The following ZBTB4 variants were observed in gnomAD, a reference collection of about 807,000 sequenced individuals.
The protein encoded by ZBTB4 is zinc finger and BTB domain-containing protein 4.
ZBTB4 carries 14 observed loss-of-function variants against 59.8 expected under a neutral mutation model. The observed-to-expected ratio is 0.23, with a 90% confidence interval of 0.15 to 0.37. The LOEUF (loss-of-function observed/expected upper bound fraction) is 0.37, where lower values mean the gene tolerates loss of function less well. ZBTB4 is among the 10% of genes least tolerant of loss of function. ZBTB4 has a pLI of 1.00. For synonymous variants in ZBTB4, 587 were observed against 575.2 expected, an observed-to-expected ratio of 1.02 and a Z score of -0.29; for missense variants, 1,198 against 1,380.8, an observed-to-expected ratio of 0.87 and a Z score of 2.10.
intron 1 of ZBTB4, among the ~76,000 whole-genome samples, chr17:7,470,125 C>T (rs1252320738): frequency 1.3e-5 from 2 of 152,078 alleles, no homozygotes; most frequent in East Asian, 1.9e-4. Context: ...GGGCTGGGTG[C>T]AGTGGCTCAC....
upstream of ZBTB4, among the ~76,000 whole-genome samples, chr17:7,483,844 C>G (rs1318577878): frequency 6.6e-6 from 1 of 152,228 alleles, no homozygotes; most frequent in Non-Finnish European, 1.5e-5. Flanking sequence ...CCAGGAGATG[C>G]CCACCCGTCT....
At chr17:7,471,519 T>A (rs2070196869) in intron 1 of ZBTB4, among the ~76,000 whole-genome samples, 1 of 152,224 alleles carries the variant, frequency 6.6e-6, no homozygotes, top group East Asian at 1.9e-4. Flanking sequence ...TCTAAACTCC[T>A]CCCTTTCAGG....
chr17:7,472,021 T>G (rs2070203992), intron 1 of ZBTB4, among the ~76,000 whole-genome samples: 1 of 152,184 alleles, frequency 6.6e-6, no homozygotes, highest in South Asian at 2.1e-4. Flanking sequence ...CGGTTCCCTC[T>G]GGCTGGAATG....
chr17:7,469,365 A>C (rs2150858306), intron 1 of ZBTB4, among the ~76,000 whole-genome samples: 1 of 151,962 alleles, frequency 6.6e-6, no homozygotes, highest in Non-Finnish European at 1.5e-5. Flanking sequence ...ACAGGGTTTC[A>C]CCGTGTTAGC....
Position 7,459,995 on chromosome 17 carries a change from T to TATAG in ZBTB4, c.*1941_*1944dup, listed in dbSNP as rs965145395. 7.9e-5 allele frequency: 12 copies of TATAG among 152,646 alleles called. No individual in the cohort carries two copies. Among genetic ancestry groups the TATAG allele is most frequent in the Non-Finnish European group, 1.2e-4 (8 of 68,044 alleles). The allele number at this position is 152,646 out of a possible 1,614,324, so 9.5% of individuals were successfully genotyped here. On this transcript the variant is annotated 3_prime_UTR_variant, in exon 4 of 4. Transcript: ENST00000380599. ...CTCAGTCTCTCTTGTGGTTCCGCTG[T>TATAG]ATAGATAGATAGATATATAATTTGT...
At chr17:7,476,990 T>TG (rs1295007247) in intron 1 of ZBTB4, among the ~76,000 whole-genome samples, 5 of 152,230 alleles carry the variant, frequency 3.3e-5, no homozygotes, top group Admixed American at 1.3e-4. Context: ...CTAAGTGACT[T>TG]GGGGCAGATT....
intron 3 of ZBTB4, among the ~76,000 whole-genome samples, chr17:7,464,875 C>T (rs1380437078): frequency 6.1e-5 from 9 of 147,602 alleles, no homozygotes; most frequent in African/African-American, 1.3e-4. Flanking sequence ...AAAAAAATGC[C>T]GCCGGGCGCG....
In ZBTB4 at chr17:7,465,401, T is replaced by C. The variant is rs189411958; in HGVS notation, c.1091+310A>G. ...TGAACTGGGACCTGGGAGGCGGAGG[T>C]GGCAGTGAGCCGAGAAGGCACCACT... On this transcript the variant is annotated intron_variant, in intron 3 of 3. Transcript: ENST00000380599. Among the ~76,000 whole-genome samples the C allele has an allele frequency of 4.7e-3, 668 of 142,490 alleles. 6 individuals carry two copies. The highest frequency in any genetic ancestry group is 0.017 in the African/African-American group (641 of 37,782). The allele number at this position is 142,490 out of a possible 152,430, so 93.5% of individuals were successfully genotyped here. A position where few individuals can be genotyped will look rare whatever the true frequency, so the allele number is the denominator to read the frequency against.
At chr17:7,482,531 G>A (rs773623892), upstream of ZBTB4, 14 of 1,613,046 alleles carry the variant, frequency 8.7e-6, no homozygotes, top group South Asian at 1.3e-4. Context: ...ACTACAGGAG[G>A]GGATCACGGG....
In ZBTB4 at chr17:7,461,446, G is replaced by A. The variant is rs1045865807; in HGVS notation, c.*494C>T. 2 of 153,112 alleles carry A rather than the reference G, an allele frequency of 1.3e-5. No homozygotes were observed. Among genetic ancestry groups the A allele is most frequent in the African/African-American group, 4.8e-5 (2 of 41,468 alleles). 9.5% of individuals were successfully genotyped at this position (153,112 alleles called of 1,614,324 possible). ...AAAGCCACACTCCCAGGTGGGCGGG[G>A]TCAGGTATCACAATGGTCTGGTCCA... On this transcript the variant is annotated 3_prime_UTR_variant, in exon 4 of 4. Transcript: ENST00000380599.
chr17:7,462,029 G>T lies in ZBTB4; in HGVS notation c.2953C>A (p.Pro985Thr). The T allele has an allele frequency of 6.2e-7, 1 of 1,602,824 alleles. No individual in the cohort carries two copies. The highest frequency in any genetic ancestry group is 8.5e-7 in the Non-Finnish European group (1 of 1,174,058). ...ATTGGTGGAGGAAGAGTTGGGGGAGGTGGTGTTGGTGGGGCAGGGGGTGCT... is the reference window on the plus strand; with the variant it reads ...ATTGGTGGAGGAAGAGTTGGGGGAGTTGGTGTTGGTGGGGCAGGGGGTGCT... ...QAAPPAPPTP[P>T]PPTLPPPIPP... Residue 985 changes from proline (P) to threonine (T), a missense_variant, in exon 4 of 4, where the codon CCT (proline) becomes ACT (threonine). Physicochemically the swap from Pro to Thr is conservative, Grantham distance 38. This residue lies in a region of ZBTB4 where 211 missense variants were observed against 236.1 expected (regional missense o/e 0.89). Transcript: ENST00000380599. This position sits in a 1 kb window ranked among gnomAD's most constrained non-coding sequence, Gnocchi z 7.5.
At chr17:7,481,617 C>A, upstream of ZBTB4, 1 of 853,692 alleles carries the variant, frequency 1.2e-6, no homozygotes, top group Non-Finnish European at 1.7e-6. Flanking sequence ...CAGAGATACC[C>A]ACAAATAGAA....
In ZBTB4 at chr17:7,461,595, A is replaced by C; in HGVS notation, c.*345T>G. ...TTCCCCTAGGTTTACGAATCAGGGG[A>C]GCAGGTTAGACATTCAGAGCTGGTG... On this transcript the variant is annotated 3_prime_UTR_variant, in exon 4 of 4. Coordinates refer to ENST00000380599, the MANE Select transcript of ZBTB4 (RefSeq NM_001128833.2). The C allele has an allele frequency of 4.7e-6, 1 of 212,200 alleles. No individual in the cohort carries two copies. The highest frequency in any genetic ancestry group is 5.4e-5 in the Admixed American group (1 of 18,412). The allele number at this position is 212,200 out of a possible 1,614,324, so 13.1% of individuals were successfully genotyped here.
Position 7,466,728 on chromosome 17 carries a change from A to AG in ZBTB4, c.73dup (p.Leu25ProfsTer7). On this transcript the variant is annotated frameshift_variant, in exon 3 of 4. Transcript: ENST00000380599. LOFTEE classifies it high-confidence loss of function. This position sits in a 1 kb window ranked among gnomAD's most constrained non-coding sequence, Gnocchi z 9.1. ...GGTGACGTCACAGAAGAGGCCACGG[A>AG]GCCGCTGTTCATTGAGCTGGCGCAG... is the stretch of plus-strand genomic sequence containing the variant. 6.2e-7 allele frequency: 1 copy of AG among 1,601,754 alleles called. No individual in the cohort carries two copies. Among genetic ancestry groups the AG allele is most frequent in the Non-Finnish European group, 8.5e-7 (1 of 1,175,114 alleles).
chr17:7,466,760 G>T lies in ZBTB4; in HGVS notation c.42C>A (p.Pro14=). 6.3e-7 allele frequency: 1 copy of T among 1,587,332 alleles called. No homozygotes were observed. ...GTTCATTGAGCTGGCGCAGGACGGC[G>T]GGGGCATGGGACGGGTCCGTCACCT... ...PAEVTDPSHA[P]AVLRQLNEQR... is the part of the protein sequence containing the mutation. The change falls in exon 3 of 4, where the codon CCC becomes CCA. Residue 14 remains proline, a synonymous_variant. Transcript: ENST00000380599. This position sits in a 1 kb window ranked among gnomAD's most constrained non-coding sequence, Gnocchi z 9.1.
At chr17:7,472,763 C>T (rs2070216216) in intron 1 of ZBTB4, among the ~76,000 whole-genome samples, 1 of 148,488 alleles carries the variant, frequency 6.7e-6, no homozygotes, top group South Asian at 2.1e-4. Context: ...ACCTCAGCGT[C>T]CCTAGTAGCT....
At position 7,462,369 on chromosome 17, in the gene ZBTB4, A is replaced by G; in HGVS notation, c.2613T>C (p.Pro871=). The change falls in exon 4 of 4, where the codon CCT becomes CCC. Residue 871 remains proline, a synonymous_variant. Coordinates refer to ENST00000380599, the MANE Select transcript of ZBTB4 (RefSeq NM_001128833.2). The surrounding 1 kb of genome is among the most constrained non-coding windows in gnomAD (Gnocchi z 7.5). ...VASGGSYVYP[P]VQEFPLALIG... ...TCAAGGCCAGTGGAAATTCCTGCACAGGTGGGTATACATAGCTGCCCCCGC... is the reference window on the plus strand; with the variant it reads ...TCAAGGCCAGTGGAAATTCCTGCACGGGTGGGTATACATAGCTGCCCCCGC... 2 of 1,613,868 alleles carry G rather than the reference A, an allele frequency of 1.2e-6. No individual in the cohort carries two copies. Among genetic ancestry groups the G allele is most frequent in the South Asian group, 1.1e-5 (1 of 91,082 alleles).
chr17:7,470,074 C>T (rs952519118), intron 1 of ZBTB4, among the ~76,000 whole-genome samples: 2 of 151,968 alleles, frequency 1.3e-5, no homozygotes, highest in Admixed American at 1.3e-4. Flanking sequence ...GAACGAGACT[C>T]TGTCTCAAAA....
At chr17:7,482,892 A>G (rs1334637331), upstream of ZBTB4, 1 of 1,611,774 alleles carries the variant, frequency 6.2e-7, no homozygotes, top group Non-Finnish European at 8.5e-7. Context: ...ATGCTCCATG[A>G]GACTGTGGCA....
Sources: allele counts gnomAD v4.1 joint callset (sites outside exome capture counted in the v4.1 genomes callset), GRCh38; gene constraint gnomAD v4.1.1; regional missense constraint gnomAD v4.1.1; non-coding constraint Gnocchi (gnomAD v3.1); transcripts MANE v1.5; gene names NCBI Gene and HGNC (gene_info 2026-07-23, HGNC 2026-07-21).